Variants in LGR6 observed in about 807,000 individuals in gnomAD.
LGR6 encodes leucine-rich repeat-containing G protein-coupled receptor 6.
LGR6 carries 45 observed loss-of-function variants against 69.4 expected under a neutral mutation model. The ratio of observed to expected loss-of-function variants is 0.65; its 90% CI spans 0.51 to 0.83. LGR6 has a LOEUF of 0.83. LGR6 is among the 40% of genes least tolerant of loss of function. The pLI, the probability that LGR6 is intolerant of heterozygous loss-of-function variation, is 0.00. For missense variants in LGR6, 1,108 were observed against 1,246.7 expected (o/e 0.89, Z 1.68); for synonymous variants, 538 against 555.0 (o/e 0.97, Z 0.43).
intron 16 of LGR6, among the ~76,000 whole-genome samples, chr1:202,312,419 G>T (rs1221486664): frequency 1.3e-5 from 2 of 152,190 alleles, no homozygotes; most frequent in Admixed American, 6.5e-5. Flanking sequence ...AGGACTCTGT[G>T]GGCACGACTC....
At chr1:202,295,057 G>C (rs752167425) in intron 6 of LGR6, among the ~76,000 whole-genome samples, 24 of 152,172 alleles carry the variant, frequency 1.6e-4, no homozygotes, top group Non-Finnish European at 2.8e-4. Flanking sequence ...GCTGGGCACG[G>C]TGGCTCATGC....
Position 202,319,243 on chromosome 1 carries a change from C to T in LGR6, c.*36C>T. On this transcript the variant is annotated 3_prime_UTR_variant, in exon 18 of 18. Transcript: ENST00000367278. ...CCATTCTTCTCTTCCCCTCTCTTCC[C>T]TTTCCTCTCTCCCCCTCGGTGAATG... 1.3e-6 allele frequency: 2 copies of T among 1,522,634 alleles called. No homozygotes were observed. The highest frequency in any genetic ancestry group is 1.8e-6 in the Non-Finnish European group (2 of 1,136,144). 94.3% of individuals were successfully genotyped at this position (1,522,634 alleles called of 1,614,324 possible).
intron 12 of LGR6, 149 bp from the exon 13 acceptor site, chr1:202,306,719 T>C: frequency 1.3e-6 from 1 of 751,742 alleles, no homozygotes; most frequent in Non-Finnish European, 2.3e-6. Context: ...GTGCTCCCTT[T>C]AATTCTGGTG....
intron 4 of LGR6, among the ~76,000 whole-genome samples, chr1:202,272,256 G>C (rs750864879): frequency 6.6e-6 from 1 of 152,104 alleles, no homozygotes; most frequent in Non-Finnish European, 1.5e-5. Flanking sequence ...TGTTTTATTT[G>C]CTATATCTGG....
chr1:202,223,059 C>A (rs1660274848), intron 1 of LGR6, among the ~76,000 whole-genome samples: 1 of 151,950 alleles, frequency 6.6e-6, no homozygotes, highest in Admixed American at 6.6e-5. Flanking sequence ...CGAGATCACA[C>A]CACTGTACTC....
At chr1:202,236,061 C>T in intron 4 of LGR6, 68 bp downstream of exon 4, 3 of 1,341,594 alleles carry the variant, frequency 2.2e-6, no homozygotes, top group Admixed American at 1.7e-5. Context: ...CCCAGGGCCC[C>T]CTGCCTCAGC....
At chr1:202,270,972 C>A (rs2148140038) in intron 4 of LGR6, among the ~76,000 whole-genome samples, 1 of 152,278 alleles carries the variant, frequency 6.6e-6, no homozygotes, top group Non-Finnish European at 1.5e-5. Context: ...TTCCCCAGAG[C>A]CTAAGCAAGC....
intron 4 of LGR6, among the ~76,000 whole-genome samples, chr1:202,266,780 C>G (rs1303358725): frequency 6.6e-6 from 1 of 152,118 alleles, no homozygotes; most frequent in East Asian, 1.9e-4. Context: ...CCCCTCTTTA[C>G]TCCTTCTAGG....
intron 3 of LGR6, among the ~76,000 whole-genome samples, chr1:202,235,267 G>T (rs1661443137): frequency 6.6e-6 from 1 of 152,184 alleles, no homozygotes; most frequent in Admixed American, 6.5e-5. Context: ...TGGAGTCATC[G>T]TGGGGTTTTG....
intron 1 of LGR6, among the ~76,000 whole-genome samples, chr1:202,203,111 G>C (rs912194208): frequency 1.3e-5 from 2 of 152,188 alleles, no homozygotes; most frequent in Non-Finnish European, 2.9e-5. Flanking sequence ...CTTTGTATAG[G>C]GGAATATGTG....
chr1:202,225,908 G>C (rs1320049704), intron 2 of LGR6, among the ~76,000 whole-genome samples: 3 of 152,116 alleles, frequency 2.0e-5, no homozygotes, highest in African/African-American at 7.2e-5. Context: ...CTCACATCTA[G>C]GGGTTGAACC....
chr1:202,318,313 C>T lies in LGR6; in HGVS notation c.2010C>T (p.Ser670=), dbSNP rs201566149. ...LTLAAVQCSV[S]VSCVRAYGKS... ...TGGCCGCAGTGCAGTGCAGCGTCTCCGTCTCCTGTGTCCGGGCCTATGGGA... is the reference window on the plus strand; with the variant it reads ...TGGCCGCAGTGCAGTGCAGCGTCTCTGTCTCCTGTGTCCGGGCCTATGGGA... The change falls in exon 18 of 18, where the codon TCC becomes TCT. Residue 670 remains serine (S), a synonymous_variant. Coordinates refer to ENST00000367278, the MANE Select transcript of LGR6 (RefSeq NM_001017403.2). 4.3e-5 allele frequency: 69 copies of T among 1,593,682 alleles called. No homozygotes were observed. Among genetic ancestry groups the T allele is most frequent in the Non-Finnish European group, 4.8e-5 (56 of 1,169,152 alleles).
At position 202,304,640 on chromosome 1, in the gene LGR6, C is replaced by G. The variant is rs1229038181; in HGVS notation, c.1070+10C>G. 1 of 1,603,660 alleles carries G rather than the reference C, an allele frequency of 6.2e-7. No individual in the cohort carries two copies. Among genetic ancestry groups the G allele is most frequent in the Non-Finnish European group, 8.5e-7 (1 of 1,171,798 alleles). On this transcript the variant is annotated intron_variant, in intron 11 of 17. Coordinates refer to ENST00000367278, the MANE Select transcript of LGR6 (RefSeq NM_001017403.2). ...CCAGGCTCCGAGTCCTGTGAGTGCTCACAAGAATTCTACAGTCTTGGCATT... is the reference window on the plus strand; with the variant it reads ...CCAGGCTCCGAGTCCTGTGAGTGCTGACAAGAATTCTACAGTCTTGGCATT...
intron 5 of LGR6, 80 bp from the exon 6 acceptor site, chr1:202,280,701 C>A: frequency 1.6e-6 from 2 of 1,247,310 alleles, no homozygotes; most frequent in Non-Finnish European, 2.4e-6. Context: ...TACACTTTCC[C>A]CATGCCACCA....
chr1:202,266,969 T>C (rs1338641044), intron 4 of LGR6, among the ~76,000 whole-genome samples: 2 of 152,130 alleles, frequency 1.3e-5, no homozygotes, highest in Non-Finnish European at 2.9e-5. Flanking sequence ...ATGAGTTCCT[T>C]GAGGGCAGGA....
intron 1 of LGR6, among the ~76,000 whole-genome samples, chr1:202,207,311 G>A (rs1659289458): frequency 6.6e-6 from 1 of 152,196 alleles, no homozygotes; most frequent in Non-Finnish European, 1.5e-5. Flanking sequence ...GGATGCCACA[G>A]GGGAGATGAG....
At chr1:202,270,236 T>G (rs564448271) in intron 4 of LGR6, among the ~76,000 whole-genome samples, 1 of 151,216 alleles carries the variant, frequency 6.6e-6, no homozygotes, top group Admixed American at 6.6e-5. Context: ...TTTGTTTTTG[T>G]TTTTGCTTTT....
rs761890258 is a variant in LGR6, at chr1:202,235,940, G to C, written c.375G>C (p.Gln125His). ...CCCGTAGGATGCTGCAGAACAATCA[G>C]CTGGGAGGAATCCCCGCAGAGGCGC... ...SLKILMLQNN[Q>H]LGGIPAEALW... Residue 125 changes from glutamine to histidine, a missense_variant, in exon 4 of 18, where the codon CAG becomes CAC. By Grantham distance (24) the Gln-to-His change is conservative (BLOSUM62 0). Transcript: ENST00000367278. 1.2e-6 allele frequency: 2 copies of C among 1,614,066 alleles called. No individual in the cohort carries two copies. The highest frequency in any genetic ancestry group is 2.2e-5 in the East Asian group (1 of 44,872).
rs575396724 is a variant in LGR6 at position 202,282,729 on chromosome 1, T to C, written c.716+1877T>C. Among the ~76,000 whole-genome samples the C allele has an allele frequency of 5.9e-5, 9 of 152,324 alleles. No individual in the cohort carries two copies. In the South Asian group the frequency reaches 1.9e-3, roughly 32 times the overall value. ...AAAAAACCAACTAGCAGCTGTTTCT[T>C]CACTTTTGGGGCACACTGCCTAATT... On this transcript the variant is annotated intron_variant, in intron 6 of 17. Coordinates refer to ENST00000367278, the MANE Select transcript of LGR6 (RefSeq NM_001017403.2).
Sources: allele counts gnomAD v4.1 joint callset (sites outside exome capture counted in the v4.1 genomes callset), GRCh38; gene constraint gnomAD v4.1.1; transcripts MANE v1.5; gene names NCBI Gene and HGNC (gene_info 2026-07-23, HGNC 2026-07-21).